Variants in SLC35F2 observed in about 807,000 individuals in gnomAD.
The protein encoded by SLC35F2 is queuine/queuosine transporter SLC35F2.
Under a neutral mutation model 38.1 loss-of-function variants are expected in SLC35F2, and 25 were observed. That is an observed-to-expected ratio of 0.66 (90% CI 0.48 to 0.92). The LOEUF is 0.92. Among genes scored for constraint, SLC35F2 ranks in the 40% least tolerant of loss-of-function variants. The pLI, the probability that SLC35F2 is intolerant of heterozygous loss-of-function variation, is 0.00. For synonymous variants in SLC35F2, 173 were observed against 181.7 expected, an observed-to-expected ratio of 0.95 and a Z score of 0.38; for missense variants, 409 against 452.9, an observed-to-expected ratio of 0.90 and a Z score of 0.88.
intron 1 of SLC35F2, among the ~76,000 whole-genome samples, chr11:107,831,005 T>C (rs1221856816): frequency 2.0e-5 from 3 of 152,208 alleles, no homozygotes; most frequent in African/African-American, 7.2e-5. Context: ...ACTATGTATA[T>C]GGCTACCCAG....
intron 1 of SLC35F2, among the ~76,000 whole-genome samples, chr11:107,852,632 G>A (rs1321160968): frequency 2.6e-5 from 4 of 152,118 alleles, no homozygotes; most frequent in Admixed American, 6.6e-5. Context: ...CACTTTGGAG[G>A]GGGCCGAGAT....
chr11:107,799,243 A>T (rs1859267298), intron 7 of SLC35F2, among the ~76,000 whole-genome samples: 1 of 152,238 alleles, frequency 6.6e-6, no homozygotes, highest in Non-Finnish European at 1.5e-5. Context: ...GTACTATTAG[A>T]CATTCAGGGA....
At chr11:107,818,414 A>G (rs954311657) in intron 1 of SLC35F2, among the ~76,000 whole-genome samples, 1 of 149,824 alleles carries the variant, frequency 6.7e-6, no homozygotes, top group African/African-American at 2.5e-5. Context: ...AAAAAAGAAA[A>G]GAAACATTTG....
intron 1 of SLC35F2, among the ~76,000 whole-genome samples, chr11:107,845,719 A>G (rs10890766): frequency 0.52 from 78,331 of 151,588 alleles, 20,441 homozygotes; most frequent in Admixed American, 0.58. Context: ...TTGGGAGGCT[A>G]AGACAGGCGG....
At chr11:107,804,258 T>A (rs535343102) in intron 6 of SLC35F2, among the ~76,000 whole-genome samples, 32 of 152,204 alleles carry the variant, frequency 2.1e-4, no homozygotes, top group Non-Finnish European at 4.0e-4. Context: ...CTTTTCTGAC[T>A]GTCCCATCAC....
chr11:107,851,895 A>G (rs938998940), intron 1 of SLC35F2, among the ~76,000 whole-genome samples: 8 of 152,236 alleles, frequency 5.3e-5, no homozygotes, highest in Non-Finnish European at 1.2e-4. Flanking sequence ...TGTTTAAATA[A>G]CACTATAAAC....
At chr11:107,843,846 TAAA>T (rs780744909) in intron 1 of SLC35F2, among the ~76,000 whole-genome samples, 57 of 45,182 alleles carry the variant, frequency 1.3e-3, no homozygotes, top group African/African-American at 4.7e-3. Flanking sequence ...CTCTGTATCT[TAAA>T]AAAAAAAAAA....
intron 7 of SLC35F2, 190 bp from the exon 8 acceptor site, chr11:107,792,990 C>T: frequency 4.6e-6 from 4 of 861,016 alleles, no homozygotes; most frequent in Non-Finnish European, 5.6e-6. Flanking sequence ...AATCTCGGCT[C>T]ACTGCAACCT....
intron 7 of SLC35F2, among the ~76,000 whole-genome samples, chr11:107,801,525 TATAATATG>T (rs1448173610): frequency 6.6e-6 from 1 of 152,122 alleles, no homozygotes; most frequent in Non-Finnish European, 1.5e-5. Flanking sequence ...AGTTTTCAGT[TATAATATG>T]GTAAATAATA....
intron 1 of SLC35F2, among the ~76,000 whole-genome samples, chr11:107,834,475 A>T (rs1859898773): frequency 6.6e-6 from 1 of 152,054 alleles, no homozygotes; most frequent in Non-Finnish European, 1.5e-5. Flanking sequence ...ACATGGTGAA[A>T]CCCCATCTCT....
chr11:107,811,540 A>G, intron 3 of SLC35F2, 127 bp downstream of exon 3: 1 of 856,260 alleles, frequency 1.2e-6, no homozygotes, highest in Non-Finnish European at 1.8e-6. Context: ...ACTAGAAAAC[A>G]GCATCCACCT....
At chr11:107,832,934 C>T (rs748286181) in intron 1 of SLC35F2, among the ~76,000 whole-genome samples, 8 of 152,226 alleles carry the variant, frequency 5.3e-5, no homozygotes, top group Non-Finnish European at 7.3e-5. Context: ...TTGCAGCTCA[C>T]ATTCCATCTT....
intron 1 of SLC35F2, among the ~76,000 whole-genome samples, chr11:107,826,915 G>A (rs1859761545): frequency 6.6e-6 from 1 of 151,824 alleles, no homozygotes; most frequent in Non-Finnish European, 1.5e-5. Context: ...CAAATACTGT[G>A]GAATACAGAA....
chr11:107,813,167 G>A (rs752961724), intron 2 of SLC35F2, among the ~76,000 whole-genome samples: 21 of 152,184 alleles, frequency 1.4e-4, no homozygotes, highest in African/African-American at 4.1e-4. Context: ...GAATTAGGCC[G>A]GGTGCGGTGG....
intron 1 of SLC35F2, among the ~76,000 whole-genome samples, chr11:107,853,581 G>A (rs1389980910): frequency 2.0e-5 from 3 of 151,786 alleles, no homozygotes; most frequent in East Asian, 1.9e-4. Flanking sequence ...TTAGCCGGGC[G>A]TGGTGGTGGG....
At chr11:107,801,389 T>A (rs1283703970) in intron 7 of SLC35F2, among the ~76,000 whole-genome samples, 2 of 152,194 alleles carry the variant, frequency 1.3e-5, no homozygotes, top group Non-Finnish European at 2.9e-5. Flanking sequence ...AGAGATTTTT[T>A]AAATATAAAT....
At chr11:107,798,586 T>C (rs1859256631) in intron 7 of SLC35F2, among the ~76,000 whole-genome samples, 1 of 152,206 alleles carries the variant, frequency 6.6e-6, no homozygotes, top group Admixed American at 6.5e-5. Context: ...ACAGGAAGTT[T>C]CTTGCGATTA....
rs1000664225 is a variant in SLC35F2, at chr11:107,858,731, C to A, written c.37G>T (p.Glu13Ter). ...GCCGCCGCTCCCTCCGCGAGGGGCT[C>A]TGGGGCGCCGGGGCCCGCTGGCGAG... is the stretch of plus-strand genomic sequence containing the variant. The part of the protein sequence containing the change: ...ADSPAGPGAP[E>*]PLAEGAAAEF... Residue 13 changes from glutamate (E) to a stop codon, truncating the protein, a stop_gained, in exon 1 of 8, where the codon GAG (glutamate) becomes TAG (stop). Coordinates refer to ENST00000525815, the MANE Select transcript of SLC35F2 (RefSeq NM_017515.5). LOFTEE classifies it high-confidence loss of function. 7.7e-7 allele frequency: 1 copy of A among 1,290,340 alleles called. No homozygotes were observed. Among genetic ancestry groups the A allele is most frequent in the African/African-American group, 1.5e-5 (1 of 66,126 alleles). The allele number at this position is 1,290,340 out of a possible 1,614,324, so 79.9% of individuals were successfully genotyped here.
Position 107,828,127 on chromosome 11 carries a change from T to A in SLC35F2, c.111-12162A>T, listed in dbSNP as rs144243125. 3.7e-3 allele frequency among the ~76,000 whole-genome samples: 561 copies of A among 152,256 alleles called. 4 individuals carry two copies. The highest frequency in any genetic ancestry group is 0.013 in the African/African-American group (522 of 41,558). On this transcript the variant is annotated intron_variant, in intron 1 of 7. Transcript: ENST00000525815. Reference sequence around the variant, plus strand: ...GCAATGGACTGAAACACCTCAAATGTTTAAATCCATGAGTTAATAGCAATA... The same window carrying A: ...GCAATGGACTGAAACACCTCAAATGATTAAATCCATGAGTTAATAGCAATA...
Sources: gnomAD v4.1 joint callset for allele counts (sites outside exome capture counted in the v4.1 genomes callset) on GRCh38, gnomAD v4.1.1 for gene constraint, MANE v1.5 for transcripts, NCBI Gene and HGNC (gene_info 2026-07-23, HGNC 2026-07-21) for gene names.